The following FHIT variants were observed in gnomAD, a reference collection of about 807,000 sequenced individuals.
FHIT encodes the protein fragile histidine triad diadenosine triphosphatase.
In FHIT, 19 loss-of-function variants were observed where a neutral mutation model predicts 17.9. That is an observed-to-expected ratio of 1.06 (90% CI 0.74 to 1.56). FHIT has a LOEUF of 1.56. Ranked by LOEUF, FHIT falls within the 40% of genes most tolerant of loss-of-function variation. FHIT has a pLI of 0.00. For missense variants in FHIT, 248 were observed against 189.2 expected, an observed-to-expected ratio of 1.31 and a Z score of -1.82; for synonymous variants, 81 against 69.7, an observed-to-expected ratio of 1.16 and a Z score of -0.81.
chr3:60,845,278 GAAC>G (rs1185159749), intron 3 of FHIT, among the ~76,000 whole-genome samples: 12 of 150,930 alleles, frequency 8.0e-5, no homozygotes, highest in Non-Finnish European at 1.6e-4. Context: ...AGAATTATGT[GAAC>G]AATAAGAAAA....
chr3:60,014,363 T>C (rs1700260274), intron 5 of FHIT, among the ~76,000 whole-genome samples: 1 of 152,200 alleles, frequency 6.6e-6, no homozygotes, highest in South Asian at 2.1e-4. Flanking sequence ...GGAGAAGCTG[T>C]GGTATGCAGA....
intron 8 of FHIT, among the ~76,000 whole-genome samples, chr3:59,900,580 G>A (rs537766280): frequency 2.6e-5 from 4 of 152,120 alleles, no homozygotes; most frequent in South Asian, 2.1e-4. Flanking sequence ...ATCCCAAGAC[G>A]GGGTGGCTCC....
At chr3:60,604,817 A>G (rs932806735) in intron 4 of FHIT, among the ~76,000 whole-genome samples, 4 of 152,178 alleles carry the variant, frequency 2.6e-5, no homozygotes, top group Non-Finnish European at 5.9e-5. Flanking sequence ...AAACTGAGAG[A>G]AAGCAAGTTC....
chr3:60,043,558 A>C (rs1403567872), intron 5 of FHIT, among the ~76,000 whole-genome samples: 1 of 152,216 alleles, frequency 6.6e-6, no homozygotes, highest in East Asian at 1.9e-4. Flanking sequence ...CTAGAAAATC[A>C]ACCCCATGCT....
chr3:60,643,230 GTT>G (rs147472367), intron 4 of FHIT, among the ~76,000 whole-genome samples: 2,726 of 151,886 alleles, frequency 0.018, 88 homozygotes, highest in African/African-American at 0.062. Flanking sequence ...ACATGATTTT[GTT>G]TTCTTTCCCC....
intron 4 of FHIT, among the ~76,000 whole-genome samples, chr3:60,570,434 G>A (rs1290905856): frequency 1.3e-5 from 2 of 152,136 alleles, no homozygotes; most frequent in Non-Finnish European, 1.5e-5. Flanking sequence ...GGGAATAAGA[G>A]TGTTGAGGTA....
At chr3:59,854,525 A>G (rs1475399655) in intron 8 of FHIT, among the ~76,000 whole-genome samples, 1 of 152,148 alleles carries the variant, frequency 6.6e-6, no homozygotes, top group Non-Finnish European at 1.5e-5. Flanking sequence ...CTGGCATCAC[A>G]TATTTAGCAA....
At chr3:60,262,639 T>C (rs1382982301) in intron 5 of FHIT, among the ~76,000 whole-genome samples, 1 of 151,978 alleles carries the variant, frequency 6.6e-6, no homozygotes, top group African/African-American at 2.4e-5. Flanking sequence ...TCCCACTCTG[T>C]GGCTCAGGAT....
At chr3:59,815,045 C>G (rs1057488625) in intron 8 of FHIT, among the ~76,000 whole-genome samples, 7 of 152,178 alleles carry the variant, frequency 4.6e-5, no homozygotes, top group African/African-American at 1.7e-4. Context: ...CTTAGTATAT[C>G]ACATGGATTA....
intron 3 of FHIT, among the ~76,000 whole-genome samples, chr3:61,014,753 C>CT: frequency 8.2e-6 from 1 of 122,038 alleles, no homozygotes; most frequent in Admixed American, 1.0e-4. Context: ...GCACTCCAGC[C>CT]TGGGTGACAG....
intron 5 of FHIT, among the ~76,000 whole-genome samples, chr3:60,265,562 A>G (rs1706532103): frequency 6.6e-6 from 1 of 152,008 alleles, no homozygotes; most frequent in South Asian, 2.1e-4. Context: ...AACAAAGAAA[A>G]AATATATATA....
At chr3:61,144,181 C>T (rs2037164500) in intron 2 of FHIT, among the ~76,000 whole-genome samples, 3 of 152,162 alleles carry the variant, frequency 2.0e-5, no homozygotes, top group South Asian at 2.1e-4. Context: ...AGCCCATGTG[C>T]ATTAGCAGTC....
chr3:60,702,372 G>C (rs193077504), intron 4 of FHIT, among the ~76,000 whole-genome samples: 93 of 152,088 alleles, frequency 6.1e-4, no homozygotes, highest in African/African-American at 2.1e-3. Context: ...TTATAGGAAT[G>C]AATGACATTT....
At chr3:60,485,561 C>G (rs2033801447) in intron 5 of FHIT, among the ~76,000 whole-genome samples, 1 of 151,784 alleles carries the variant, frequency 6.6e-6, no homozygotes, top group African/African-American at 2.4e-5. Flanking sequence ...AACAGAAAAC[C>G]AAACACCACA....
chr3:60,041,292 T>C (rs1191022033), intron 5 of FHIT, among the ~76,000 whole-genome samples: 3 of 152,202 alleles, frequency 2.0e-5, no homozygotes, highest in Non-Finnish European at 4.4e-5. Context: ...GCCTTGATAA[T>C]GACCTTTGAG....
At chr3:60,564,599 C>G (rs1222816180) in intron 4 of FHIT, among the ~76,000 whole-genome samples, 1 of 152,032 alleles carries the variant, frequency 6.6e-6, no homozygotes, top group Non-Finnish European at 1.5e-5. Context: ...GAAGTTGATT[C>G]CAGCCCTCAT....
At chr3:60,926,147 C>T (rs1425303356) in intron 3 of FHIT, among the ~76,000 whole-genome samples, 11 of 152,080 alleles carry the variant, frequency 7.2e-5, no homozygotes, top group African/African-American at 1.2e-4. Flanking sequence ...GACAGATCAA[C>T]GAGACAGAAA....
At chr3:59,968,939 A>G (rs1262323947) in intron 7 of FHIT, among the ~76,000 whole-genome samples, 1 of 152,172 alleles carries the variant, frequency 6.6e-6, no homozygotes, top group Admixed American at 6.6e-5. Context: ...CATTTCCCAC[A>G]CATTCTTCAC....
intron 3 of FHIT, among the ~76,000 whole-genome samples, chr3:60,955,613 T>TATACATATATATATATATAC (rs1209887151): frequency 0.067 from 894 of 13,282 alleles, 67 homozygotes; most frequent in African/African-American, 0.1. Flanking sequence ...TATATATATA[T>TATACATATATATATATATAC]ATATATATAT....
Sources: allele counts gnomAD v4.1 joint callset (sites outside exome capture counted in the v4.1 genomes callset), GRCh38; gene constraint gnomAD v4.1.1; transcripts MANE v1.5; gene names NCBI Gene and HGNC (gene_info 2026-07-23, HGNC 2026-07-21).